SCAPER: variants seen among roughly 807,000 people sequenced by gnomAD.
SCAPER encodes the protein S-phase cyclin A associated protein in the ER.
Under a neutral mutation model 182.2 loss-of-function variants are expected in SCAPER, and 98 were observed. The observed-to-expected ratio is 0.54, with a 90% CI of 0.46 to 0.64. SCAPER has a LOEUF of 0.64. Ranked by LOEUF, SCAPER falls within the 30% of genes least tolerant of loss-of-function variation. SCAPER has a pLI of 0.00. For synonymous variants in SCAPER, 605 were observed against 564.6 expected (o/e 1.07, Z -1.01); for missense variants, 1,432 against 1,690.0 (o/e 0.85, Z 2.68).
intron 8 of SCAPER, among the ~76,000 whole-genome samples, chr15:76,781,531 A>G (rs2064137889): frequency 6.6e-6 from 1 of 152,204 alleles, no homozygotes; most frequent in Non-Finnish European, 1.5e-5. Flanking sequence ...TTCAGGAACT[A>G]CAGAGAATAC....
intron 23 of SCAPER, among the ~76,000 whole-genome samples, chr15:76,568,614 C>T (rs1597428824): frequency 6.6e-6 from 1 of 152,152 alleles, no homozygotes; most frequent in African/African-American, 2.4e-5. Context: ...ACCTCAGCCT[C>T]GCAAAGTGCT....
At chr15:76,857,384 G>GATCA (rs1240143057) in intron 4 of SCAPER, among the ~76,000 whole-genome samples, 2 of 148,588 alleles carry the variant, frequency 1.3e-5, no homozygotes, top group Non-Finnish European at 3.0e-5. Context: ...AGTGAGCCAA[G>GATCA]ATCACACCAC....
chr15:76,604,499 G>A lies in SCAPER; in HGVS notation c.2711+17265C>T, dbSNP rs2050187910. On this transcript the variant is annotated intron_variant, in intron 22 of 31. Coordinates refer to ENST00000563290, the MANE Select transcript of SCAPER (RefSeq NM_020843.4). Reference sequence around the variant, plus strand: ...CGTTCTTTTGCCTTAGGATTGACTTGGCGATGCGGGCTCTTTTTTGGTTCC... The same window carrying A: ...CGTTCTTTTGCCTTAGGATTGACTTAGCGATGCGGGCTCTTTTTTGGTTCC... 3.3e-5 allele frequency among the ~76,000 whole-genome samples: 4 copies of A among 120,620 alleles called. 1 individual carries two copies. Among genetic ancestry groups the A allele is most frequent in the Non-Finnish European group, 8.0e-5 (4 of 49,836 alleles). The allele number at this position is 120,620 out of a possible 152,430, so 79.1% of individuals were successfully genotyped here.
chr15:76,779,952 T>A (rs1289862899), intron 8 of SCAPER, among the ~76,000 whole-genome samples: 4 of 152,172 alleles, frequency 2.6e-5, no homozygotes, highest in Admixed American at 2.6e-4. Context: ...AGTCTGCAGC[T>A]CCCAGCGTGA....
At chr15:76,840,672 T>C (rs1402429636) in intron 5 of SCAPER, among the ~76,000 whole-genome samples, 8 of 152,236 alleles carry the variant, frequency 5.3e-5, no homozygotes, top group Non-Finnish European at 1.5e-5. Flanking sequence ...TCCAGGGTTT[T>C]CAACCATGTT....
At chr15:76,525,970 C>G (rs1336645750) in intron 23 of SCAPER, among the ~76,000 whole-genome samples, 1 of 152,172 alleles carries the variant, frequency 6.6e-6, no homozygotes, top group Non-Finnish European at 1.5e-5. Flanking sequence ...AATTTACGTT[C>G]CCACCAACAG....
chr15:76,795,328 C>A lies in SCAPER; in HGVS notation c.724G>T (p.Ala242Ser), dbSNP rs192367223. The A allele has an allele frequency of 6.2e-6, 10 of 1,613,062 alleles. No individual in the cohort carries two copies. The East Asian group carries it at 2.0e-4, about 32-fold the overall frequency. Residue 242 changes from alanine to serine, a missense_variant, in exon 8 of 32, where the codon GCC becomes TCC. This residue lies in a region of SCAPER where 480 missense variants were observed against 510.2 expected (regional missense o/e 0.94). Coordinates refer to ENST00000563290, the MANE Select transcript of SCAPER (RefSeq NM_020843.4). ...ACTGTCATTGGTGGGCAAGACTGGG[C>A]GGGTGTTATTTCTGAAGAAGCAGTA... is the stretch of plus-strand genomic sequence containing the variant. ...GSTASSEITP[A>S]QSCPPMTVQK...
intron 25 of SCAPER, among the ~76,000 whole-genome samples, chr15:76,455,452 T>C (rs753968859): frequency 7.0e-4 from 106 of 152,254 alleles, no homozygotes; most frequent in Non-Finnish European, 1.3e-3. Flanking sequence ...TATTTAAAGG[T>C]ATAAACTTTC....
At chr15:76,404,441 C>T in intron 27 of SCAPER, 83 bp downstream of exon 27, 1 of 1,343,420 alleles carries the variant, frequency 7.4e-7, no homozygotes, top group Non-Finnish European at 1.0e-6. Flanking sequence ...CACTTGAATT[C>T]CTATGAAATG....
At chr15:76,736,432 A>G (rs2061269326) in intron 15 of SCAPER, among the ~76,000 whole-genome samples, 1 of 152,148 alleles carries the variant, frequency 6.6e-6, no homozygotes, top group East Asian at 1.9e-4. Flanking sequence ...TCTCTGTAGT[A>G]TGTGATGCTG....
chr15:76,360,868 A>G (rs1170550230), intron 29 of SCAPER, among the ~76,000 whole-genome samples: 1 of 152,184 alleles, frequency 6.6e-6, no homozygotes, highest in Non-Finnish European at 1.5e-5. Context: ...CTAAATTAGT[A>G]CTGTCTTAGG....
At chr15:76,393,040 G>A (rs1024165235) in intron 27 of SCAPER, among the ~76,000 whole-genome samples, 8 of 152,240 alleles carry the variant, frequency 5.3e-5, no homozygotes, top group Non-Finnish European at 7.3e-5. Flanking sequence ...CATGTGAACT[G>A]TACCAATGAA....
At chr15:76,363,137 A>G (rs948170046) in intron 29 of SCAPER, among the ~76,000 whole-genome samples, 2 of 152,200 alleles carry the variant, frequency 1.3e-5, no homozygotes, top group African/African-American at 4.8e-5. Flanking sequence ...ATGAATCCCC[A>G]GTTTCAACAG....
chr15:76,806,609 T>A (rs762442981), intron 5 of SCAPER, among the ~76,000 whole-genome samples: 2 of 152,224 alleles, frequency 1.3e-5, no homozygotes, highest in Non-Finnish European at 2.9e-5. Flanking sequence ...TCATAGGTAT[T>A]GCATTGAATC....
At chr15:76,615,703 C>A (rs2051414542) in intron 22 of SCAPER, among the ~76,000 whole-genome samples, 1 of 151,166 alleles carries the variant, frequency 6.6e-6, no homozygotes. Flanking sequence ...ACCTGTAATC[C>A]CAGCTACTCG....
At chr15:76,393,261 C>A (rs934239216) in intron 27 of SCAPER, among the ~76,000 whole-genome samples, 1 of 152,182 alleles carries the variant, frequency 6.6e-6, no homozygotes, top group Non-Finnish European at 1.5e-5. Flanking sequence ...CCTTTGACAG[C>A]GTGAGCAGGA....
chr15:76,658,768 C>T (rs8037005), intron 21 of SCAPER, among the ~76,000 whole-genome samples: 58,051 of 152,014 alleles, frequency 0.38, 13,086 homozygotes, highest in Middle Eastern at 0.52. Context: ...AAATGCCGCA[C>T]ACCTGCAGCC....
intron 24 of SCAPER, among the ~76,000 whole-genome samples, chr15:76,498,000 A>AATT (rs1405148390): frequency 7.3e-5 from 8 of 109,156 alleles, no homozygotes; most frequent in Non-Finnish European, 1.2e-4. Context: ...AAAAAAAAAA[A>AATT]AAAAAAAAAA....
chr15:76,705,549 TAA>T (rs879686343), intron 18 of SCAPER, among the ~76,000 whole-genome samples: 1 of 128,606 alleles, frequency 7.8e-6, no homozygotes. Context: ...AAAGTATAAT[TAA>T]AAAAAAAAAG....
Sources: gnomAD v4.1 joint callset for allele counts (sites outside exome capture counted in the v4.1 genomes callset) on GRCh38, gnomAD v4.1.1 for gene constraint, gnomAD v4.1.1 regional missense constraint, MANE v1.5 for transcripts, NCBI Gene and HGNC (gene_info 2026-07-23, HGNC 2026-07-21) for gene names.